The following ATP8B3 variants were observed in gnomAD, a reference collection of about 807,000 sequenced individuals.
ATP8B3 encodes ATPase phospholipid transporting 8B3, also known as phospholipid-transporting ATPase IK.
Under a neutral mutation model 140.9 loss-of-function variants are expected in ATP8B3, and 141 were observed. The observed-to-expected ratio is 1.00, with a 90% CI of 0.87 to 1.15. ATP8B3 has a LOEUF of 1.15. ATP8B3 is among the 50% of genes most tolerant of loss of function. The pLI is 0.00. For missense variants in ATP8B3, 1,874 were observed against 1,740.6 expected (o/e 1.08, Z -1.36); for synonymous variants, 765 against 714.6 (o/e 1.07, Z -1.13).
Position 1,807,421 on chromosome 19 carries a change from C to T in ATP8B3, c.517-155G>A, listed in dbSNP as rs1280284071. Among the ~76,000 whole-genome samples the T allele has an allele frequency of 6.6e-6, 1 of 152,044 alleles. No individual in the cohort carries two copies. Among genetic ancestry groups the T allele is most frequent in the African/African-American group, 2.4e-5 (1 of 41,388 alleles). On this transcript the variant is annotated intron_variant, in intron 5 of 28. Transcript: ENST00000310127. The surrounding 1 kb of genome is among the most constrained non-coding windows in gnomAD (Gnocchi z 5.9). ...GCCATCTCCTGCAACCCCCAGCCCT[C>T]GGGACAAACGCCCCGGCATCCCTCC... is the stretch of plus-strand genomic sequence containing the variant.
At chr19:1,796,681 C>A (rs747060717) in intron 16 of ATP8B3, 30 bp downstream of exon 16, 1 of 1,599,444 alleles carries the variant, frequency 6.3e-7, no homozygotes, top group South Asian at 1.1e-5. Flanking sequence ...GGCTGAGCGG[C>A]CTCAGAGATG....
Position 1,807,288 on chromosome 19 carries a change from A to C in ATP8B3, c.517-22T>G. 4.4e-6 allele frequency: 7 copies of C among 1,596,090 alleles called. No individual in the cohort carries two copies. The highest frequency in any genetic ancestry group is 6.0e-6 in the Non-Finnish European group (7 of 1,165,740). On this transcript the variant is annotated intron_variant, in intron 5 of 28. Transcript: ENST00000310127. The surrounding 1 kb of genome is among the most constrained non-coding windows in gnomAD (Gnocchi z 5.9). The stretch of plus-strand genomic sequence containing the variant: ...TGCTCTGACGTGAGGGGGCCACAGG[A>C]AGGGTCACACCAGCCCACTCCCCCG...
At chr19:1,792,189 T>G in intron 18 of ATP8B3, 54 bp from the exon 19 acceptor site, 1 of 1,500,330 alleles carries the variant, frequency 6.7e-7, no homozygotes, top group Non-Finnish European at 8.9e-7. Flanking sequence ...CATCCGAGGC[T>G]CAGCCCTCCC....
In ATP8B3 at chr19:1,811,700, T is replaced by A; in HGVS notation, c.37A>T (p.Arg13Ter). ...TGPAQTPRST[R>*]AGPEPSPAPP... The stretch of plus-strand genomic sequence containing the variant: ...GCAGGGCTTGGCTCAGGGCCAGCTC[T>A]GGTGCTCCTGGGAGTCTGAGCGGGG... The change falls in exon 2 of 29, where the codon AGA becomes TGA. Residue 13 changes from arginine to a stop codon, truncating the protein, a stop_gained. Transcript: ENST00000310127. LOFTEE classifies it high-confidence loss of function. 1.2e-6 allele frequency: 2 copies of A among 1,605,008 alleles called. No individual in the cohort carries two copies. Among genetic ancestry groups the A allele is most frequent in the Non-Finnish European group, 1.7e-6 (2 of 1,178,886 alleles).
chr19:1,787,728 T>TAAAAAAA (rs561418063), intron 24 of ATP8B3, among the ~76,000 whole-genome samples: 1 of 119,726 alleles, frequency 8.4e-6, no homozygotes, highest in African/African-American at 3.1e-5. Context: ...AAACTCTGTC[T>TAAAAAAA]AAAAAAAAAA....
chr19:1,796,261 C>A lies in ATP8B3; in HGVS notation c.1758G>T (p.Gln586His). 6.2e-7 allele frequency: 1 copy of A among 1,608,372 alleles called. No homozygotes were observed. Reference protein sequence around the residue: ...VRESPRERPDQLLYQAASPDE... With the variant: ...VRESPRERPDHLLYQAASPDE... ...CGGGGGAGGCCGCCTGGTACAACAGCTGGTCTGGTAGGGAGGGGGGCCATT... is the reference window on the plus strand; with the variant it reads ...CGGGGGAGGCCGCCTGGTACAACAGATGGTCTGGTAGGGAGGGGGGCCATT... Residue 586 changes from glutamine to histidine, a missense_variant, in exon 17 of 29, where the codon CAG (glutamine) becomes CAT (histidine). By Grantham distance (24) the Gln-to-His change is conservative (BLOSUM62 0). Around this residue, in one of 3 missense-constraint regions of ATP8B3, gnomAD observed 1,032 missense variants for 963.6 expected, o/e 1.07. Transcript: ENST00000310127.
At position 1,784,800 on chromosome 19, in the gene ATP8B3, A is replaced by T. The variant is rs1470961713; in HGVS notation, c.3660+19T>A. ...CTGGAATGTACCAGATGAGGACCCC[A>T]GGCCCAGGCCCACCTCACCTTGGCA... On this transcript the variant is annotated intron_variant, in intron 28 of 28. Transcript: ENST00000310127. The T allele has an allele frequency of 2.5e-6, 4 of 1,582,626 alleles. No individual in the cohort carries two copies. The highest frequency in any genetic ancestry group is 3.4e-6 in the Non-Finnish European group (4 of 1,165,190).
In ATP8B3 at chr19:1,811,791, C is replaced by T. The variant is rs1039618839; in HGVS notation, c.-55G>A. On this transcript the variant is annotated 5_prime_UTR_variant, in exon 2 of 29. Transcript: ENST00000310127. ...GCGAAGAGGGGTTTAGGCTGTGGGA[C>T]GGGGGAGAGGTGGGGGAGACCCCCG... is the stretch of plus-strand genomic sequence containing the variant. 2.2e-5 allele frequency: 33 copies of T among 1,512,092 alleles called. No homozygotes were observed. The East Asian group carries it at 3.0e-4, about 14-fold the overall frequency. The allele number at this position is 1,512,092 out of a possible 1,614,324, so 93.7% of individuals were successfully genotyped here. A position where few individuals can be genotyped will look rare whatever the true frequency, so the allele number is the denominator to read the frequency against.
At position 1,807,495 on chromosome 19, in the gene ATP8B3, C is replaced by T. The variant is rs373288744; in HGVS notation, c.517-229G>A. Among the ~76,000 whole-genome samples, 4 of 152,158 alleles carry T rather than the reference C, an allele frequency of 2.6e-5. No individual in the cohort carries two copies. Among genetic ancestry groups the T allele is most frequent in the African/African-American group, 9.7e-5 (4 of 41,428 alleles). On this transcript the variant is annotated intron_variant, in intron 5 of 28. Coordinates refer to ENST00000310127, the MANE Select transcript of ATP8B3 (RefSeq NM_138813.4). This position sits in a 1 kb window ranked among gnomAD's most constrained non-coding sequence, Gnocchi z 5.9. ...CGCCTCGTCTCCCCAGCAAACTCCC[C>T]TTCTCCCGTCCAAGCCCAGCTCCCA...
At chr19:1,788,198 G>A (rs945126623) in intron 24 of ATP8B3, among the ~76,000 whole-genome samples, 3 of 152,252 alleles carry the variant, frequency 2.0e-5, no homozygotes, top group Non-Finnish European at 2.9e-5. Context: ...GCAGGGAATA[G>A]CACTGCCCTG....
rs1300627020 is a variant in ATP8B3 at position 1,806,648 on chromosome 19, G to A, written c.657C>T (p.Cys219=). The part of the protein sequence containing the change: ...KSDRAINNRP[C]QILMGKSFKQ... ...CTCACCTCTTCCCCATCAGAATCTG[G>A]CAGGGTCTGTTGTTGATGGCTCTGT... The change falls in exon 7 of 29, where the codon TGC becomes TGT. Residue 219 remains cysteine (C), a synonymous_variant. Transcript: ENST00000310127. The surrounding 1 kb of genome is among the most constrained non-coding windows in gnomAD (Gnocchi z 5.6). 1 of 1,562,972 alleles carries A rather than the reference G, an allele frequency of 6.4e-7. No homozygotes were observed. Among genetic ancestry groups the A allele is most frequent in the South Asian group, 1.2e-5 (1 of 84,704 alleles).
At chr19:1,789,214 C>A in intron 23 of ATP8B3, 94 bp from the exon 24 acceptor site, 1 of 838,188 alleles carries the variant, frequency 1.2e-6, no homozygotes, top group Non-Finnish European at 1.8e-6. Flanking sequence ...TATCAGCCCC[C>A]CCCATCTGCT....
intron 21 of ATP8B3, 118 bp downstream of exon 21, chr19:1,790,639 T>TC: frequency 3.5e-5 from 6 of 173,894 alleles, no homozygotes; most frequent in South Asian, 1.5e-4. Flanking sequence ...CCCTCCCCTC[T>TC]CAATCCCCCC....
At chr19:1,799,601 G>C (rs1267087103) in intron 14 of ATP8B3, 1 of 502,246 alleles carries the variant, frequency 2.0e-6, no homozygotes. Context: ...CCCCATCTCT[G>C]CTAAAAATAC....
chr19:1,788,979 A>G lies in ATP8B3; in HGVS notation c.2987T>C (p.Phe996Ser). 1 of 1,610,446 alleles carries G rather than the reference A, an allele frequency of 6.2e-7. No homozygotes were observed. The highest frequency in any genetic ancestry group is 8.5e-7 in the Non-Finnish European group (1 of 1,178,764). Residue 996 changes from phenylalanine to serine, a missense_variant, in exon 24 of 29, where the codon TTC (phenylalanine) becomes TCC (serine). By Grantham distance (155) the Phe-to-Ser change is radical. Coordinates refer to ENST00000310127, the MANE Select transcript of ATP8B3 (RefSeq NM_138813.4). Reference sequence around the variant, plus strand: ...GCTCTTGTAGAAGAAGTAGCGCAGGAACTTGCAGATCCGCACGTAGGACCA... The same window carrying G: ...GCTCTTGTAGAAGAAGTAGCGCAGGGACTTGCAGATCCGCACGTAGGACCA... ...GRWSYVRICK[F>S]LRYFFYKSMA... is the part of the protein sequence containing the mutation.
At chr19:1,808,565 G>A (rs1419473741) in intron 4 of ATP8B3, among the ~76,000 whole-genome samples, 1 of 152,206 alleles carries the variant, frequency 6.6e-6, no homozygotes. Context: ...CCTCAGGCCA[G>A]CATTTACTGA....
intron 16 of ATP8B3, 54 bp downstream of exon 16, chr19:1,796,657 T>G (rs2068685354): frequency 6.4e-7 from 1 of 1,568,962 alleles, no homozygotes; most frequent in Non-Finnish European, 8.6e-7. Flanking sequence ...CTGGGGACAC[T>G]GCCGTGCCCC....
chr19:1,789,101 C>G lies in ATP8B3; in HGVS notation c.2865G>C (p.Gly955=), dbSNP rs1322962979. The change falls in exon 24 of 29, where the codon GGG becomes GGC. Residue 955 remains glycine (G), a synonymous_variant. Coordinates refer to ENST00000310127, the MANE Select transcript of ATP8B3 (RefSeq NM_138813.4). ...NMIKTADVGV[G]LAGQEGMQAV... ...CCTGCATGCCCTCCTGGCCCGCCAG[C>G]CCCACGCCCACGTCCGCGGCTGCAG... The G allele has an allele frequency of 6.3e-6, 10 of 1,593,224 alleles. No individual in the cohort carries two copies. The highest frequency in any genetic ancestry group is 8.5e-6 in the Non-Finnish European group (10 of 1,174,412).
chr19:1,809,601 G>A, intron 4 of ATP8B3, 42 bp downstream of exon 4: 5 of 1,520,160 alleles, frequency 3.3e-6, no homozygotes, highest in Non-Finnish European at 4.5e-6. Context: ...GGGTACCACG[G>A]CAGCTCCTCT....
Sources: gnomAD v4.1 joint callset for allele counts (sites outside exome capture counted in the v4.1 genomes callset) on GRCh38, gnomAD v4.1.1 for gene constraint, gnomAD v4.1.1 regional missense constraint, Gnocchi (gnomAD v3.1) non-coding constraint, MANE v1.5 for transcripts, NCBI Gene and HGNC (gene_info 2026-07-23, HGNC 2026-07-21) for gene names.